The following POLA2 variants were observed in gnomAD, a reference collection of about 807,000 sequenced individuals.
POLA2 encodes the protein DNA polymerase alpha subunit B.
POLA2 carries 47 observed loss-of-function variants against 82.8 expected under a neutral mutation model. The ratio of observed to expected loss-of-function variants is 0.57; its 90% CI spans 0.45 to 0.72. The LOEUF (loss-of-function observed/expected upper bound fraction) is 0.72, where lower values mean the gene tolerates loss of function less well. Ranked by LOEUF, POLA2 falls within the 30% of genes least tolerant of loss-of-function variation. POLA2 has a pLI of 0.00. For missense variants in POLA2, 634 were observed against 728.1 expected, an observed-to-expected ratio of 0.87 and a Z score of 1.49; for synonymous variants, 287 against 286.8, an observed-to-expected ratio of 1.00 and a Z score of -0.01.
chr11:65,301,060 T>C (rs1175146268), downstream of POLA2, among the ~76,000 whole-genome samples: 2 of 152,228 alleles, frequency 1.3e-5, no homozygotes, highest in African/African-American at 4.8e-5. Context: ...GACGCTTGTG[T>C]GCAAGCTTTG....
chr11:65,264,858 G>T (rs1441391190), intron 1 of POLA2, among the ~76,000 whole-genome samples: 1 of 152,146 alleles, frequency 6.6e-6, no homozygotes, highest in Admixed American at 6.6e-5. Flanking sequence ...GTATAGAAAT[G>T]TGCTTCCAAT....
intron 8 of POLA2, 26 bp from the exon 9 acceptor site, chr11:65,281,644 C>A: frequency 1.3e-6 from 2 of 1,570,694 alleles, no homozygotes; most frequent in Non-Finnish European, 1.8e-6. Context: ...CACTGCTTAG[C>A]AATCCTGTTT....
chr11:65,278,355 TC>T (rs1949602920), intron 5 of POLA2, among the ~76,000 whole-genome samples: 1 of 152,232 alleles, frequency 6.6e-6, no homozygotes, highest in Non-Finnish European at 1.5e-5. Context: ...CAGATGATGT[TC>T]CAATAAATGC....
At chr11:65,281,225 G>C in intron 8 of POLA2, 78 bp downstream of exon 8, 7 of 1,426,618 alleles carry the variant, frequency 4.9e-6, no homozygotes, top group Non-Finnish European at 6.8e-6. Context: ...ATGCGCAGCT[G>C]CTCCTCAGTT....
intron 7 of POLA2, 102 bp from the exon 8 acceptor site, chr11:65,280,890 T>G: frequency 8.7e-7 from 1 of 1,146,908 alleles, no homozygotes; most frequent in Non-Finnish European, 1.3e-6. Flanking sequence ...AAGAAATGTA[T>G]TTGTTGTTTG....
chr11:65,295,826 G>T (rs530829493), intron 16 of POLA2, 38 bp from the exon 17 acceptor site: 4 of 1,593,114 alleles, frequency 2.5e-6, no homozygotes, highest in Non-Finnish European at 1.7e-6. Context: ...GGGGCCCCCC[G>T]GTCAGCTAGT....
chr11:65,272,625 T>A (rs1949533507), intron 4 of POLA2, among the ~76,000 whole-genome samples: 1 of 152,240 alleles, frequency 6.6e-6, no homozygotes, highest in Non-Finnish European at 1.5e-5. Flanking sequence ...ACTGGCATCC[T>A]TGGTTATAAT....
At chr11:65,295,689 G>A (rs1365901147) in intron 16 of POLA2, 90 bp downstream of exon 16, 3 of 1,340,746 alleles carry the variant, frequency 2.2e-6, no homozygotes, top group Non-Finnish European at 3.2e-6. Context: ...CCTTCACCAG[G>A]CTACCAGCAG....
intron 13 of POLA2, among the ~76,000 whole-genome samples, chr11:65,291,170 C>G (rs1272809468): frequency 6.6e-6 from 1 of 151,534 alleles, no homozygotes; most frequent in South Asian, 2.1e-4. Flanking sequence ...TAGATCTCCT[C>G]ACAAGATCTG....
intron 14 of POLA2, 88 bp downstream of exon 14, chr11:65,294,349 G>A: frequency 8.9e-7 from 1 of 1,125,564 alleles, no homozygotes; most frequent in Non-Finnish European, 1.4e-6. Context: ...AGGGTGGAGA[G>A]GCCTCTTTAG....
chr11:65,286,637 G>A (rs1357399710), intron 10 of POLA2, among the ~76,000 whole-genome samples: 1 of 152,088 alleles, frequency 6.6e-6, no homozygotes, highest in Non-Finnish European at 1.5e-5. Flanking sequence ...GGATCCTCCC[G>A]CCTTAGCCTC....
In POLA2 at chr11:65,287,749, G is replaced by T; in HGVS notation, c.1040G>T (p.Gly347Val). The T allele has an allele frequency of 6.2e-7, 1 of 1,613,634 alleles. No homozygotes were observed. The highest frequency in any genetic ancestry group is 1.1e-5 in the South Asian group (1 of 91,032). The change falls in exon 11 of 18, where the codon GGA becomes GTA. Residue 347 changes from glycine to valine, a missense_variant. Transcript: ENST00000265465. ...FEQSMVLVAC[G>V]PYTTSDSITY... is the part of the protein sequence containing the mutation. ...CAAAGCATGGTCCTGGTTGCCTGTG[G>T]ACCATACACCACATCTGACAGCATC...
chr11:65,279,897 G>T (rs1229103593), intron 7 of POLA2: 2 of 368,068 alleles, frequency 5.4e-6, no homozygotes, highest in Admixed American at 9.0e-5. Flanking sequence ...GGTGAGTCAG[G>T]TAGCTCCCCG....
At chr11:65,303,464 G>A (rs1049357621), downstream of POLA2, among the ~76,000 whole-genome samples, 19 of 152,078 alleles carry the variant, frequency 1.2e-4, no homozygotes, top group South Asian at 2.1e-4. Flanking sequence ...GGAGATTGCA[G>A]TGAGCTGACA....
chr11:65,292,445 T>C (rs1949765470), intron 13 of POLA2, among the ~76,000 whole-genome samples: 1 of 152,156 alleles, frequency 6.6e-6, no homozygotes, highest in Admixed American at 6.5e-5. Context: ...TCCTTAACTA[T>C]TGCCCTTCCA....
intron 12 of POLA2, 69 bp downstream of exon 12, chr11:65,289,157 T>C (rs1234916636): frequency 1.6e-6 from 2 of 1,272,176 alleles, no homozygotes. Context: ...TTTCATTTTT[T>C]AGTGTTTATC....
intron 4 of POLA2, among the ~76,000 whole-genome samples, chr11:65,270,799 C>T (rs1949513800): frequency 6.6e-6 from 1 of 152,220 alleles, no homozygotes; most frequent in Non-Finnish European, 1.5e-5. Flanking sequence ...CCACCTCTAA[C>T]CACCTCTCCA....
Position 65,295,564 on chromosome 11 carries a change from C to A in POLA2, c.1485C>A (p.Phe495Leu), listed in dbSNP as rs1271729334. The change falls in exon 16 of 18, where the codon TTC (phenylalanine) becomes TTA (leucine). Residue 495 changes from phenylalanine (F) to leucine (L), a missense_variant. Physicochemically the swap from Phe to Leu is conservative, Grantham distance 22. Coordinates refer to ENST00000265465, the MANE Select transcript of POLA2 (RefSeq NM_002689.4). ...GTTCTTCCGGAACTTCAGACAGATT[C>A]AGCCGAATACTCAAGCACATCTTGA... ...ISSSSGTSDR[F>L]SRILKHILTQ... 1 of 1,613,984 alleles carries A rather than the reference C, an allele frequency of 6.2e-7. No individual in the cohort carries two copies. The highest frequency in any genetic ancestry group is 1.1e-5 in the South Asian group (1 of 91,090).
rs1268797076 is a variant in POLA2 at position 65,262,003 on chromosome 11, G to A, written c.-290G>A. 13 of 479,626 alleles carry A rather than the reference G, an allele frequency of 2.7e-5. No individual in the cohort carries two copies. The South Asian group carries it at 3.6e-4, about 13-fold the overall frequency. 29.7% of individuals were successfully genotyped at this position (479,626 alleles called of 1,614,324 possible). A position where few individuals can be genotyped will look rare whatever the true frequency, so the allele number is the denominator to read the frequency against. On this transcript the variant is annotated 5_prime_UTR_variant, in exon 1 of 18. Transcript: ENST00000265465. ...CTGAGAAGCTCAGCGGTAGCTTTTG[G>A]GAAGCAGGACGTTCTCACCAGGAGA...
Sources: gnomAD v4.1 joint callset for allele counts (sites outside exome capture counted in the v4.1 genomes callset) on GRCh38, gnomAD v4.1.1 for gene constraint, MANE v1.5 for transcripts, NCBI Gene and HGNC (gene_info 2026-07-23, HGNC 2026-07-21) for gene names.